The following COCH variants were observed in gnomAD, a reference collection of about 807,000 sequenced individuals.
COCH encodes the protein cochlin, also known as coagulation factor C homolog, cochlin (Limulus polyphemus).
Under a neutral mutation model 54.8 loss-of-function variants are expected in COCH, and 40 were observed. That is an observed-to-expected ratio of 0.73 (90% CI 0.57 to 0.95). The LOEUF (loss-of-function observed/expected upper bound fraction) is 0.95. COCH is among the 40% of genes least tolerant of loss of function. The pLI is 0.00. For synonymous variants in COCH, 256 were observed against 237.9 expected, an observed-to-expected ratio of 1.08 and a Z score of -0.70; for missense variants, 605 against 675.0, an observed-to-expected ratio of 0.90 and a Z score of 1.15.
intron 8 of COCH, chr14:30,884,348 C>T (rs1350407236): frequency 1.8e-6 from 1 of 557,446 alleles, no homozygotes; most frequent in Non-Finnish European, 3.2e-6. Flanking sequence ...TATAATAAAT[C>T]CTCAATATGG....
Position 30,874,916 on chromosome 14 carries a change from G to A in COCH, c.-23G>A. The A allele has an allele frequency of 6.2e-7, 1 of 1,613,478 alleles. No individual in the cohort carries two copies. The highest frequency in any genetic ancestry group is 8.5e-7 in the Non-Finnish European group (1 of 1,179,796). On this transcript the variant is annotated splice_region_variant and 5_prime_UTR_variant, in exon 2 of 12. In the 5' UTR this introduces an upstream ATG that the reference lacks. Coordinates refer to ENST00000396618, the MANE Select transcript of COCH (RefSeq NM_004086.3). Reference sequence around the variant, plus strand: ...TGCCCGCATTCTCCCTCTCTCCCAGGTGTGAGCAGCCTATCAGTCACCATG... The same window carrying A: ...TGCCCGCATTCTCCCTCTCTCCCAGATGTGAGCAGCCTATCAGTCACCATG...
rs746680829 is a variant in COCH at position 30,886,148 on chromosome 14, G to A, written c.1313G>A (p.Arg438His). The A allele has an allele frequency of 3.5e-5, 56 of 1,611,712 alleles. No individual in the cohort carries two copies. The highest frequency in any genetic ancestry group is 3.1e-4 in the East Asian group (14 of 44,848). Residue 438 changes from arginine to histidine, a missense_variant, in exon 11 of 12, where the codon CGC becomes CAC. Arg to His is a conservative substitution (Grantham distance 29, BLOSUM62 0). Coordinates refer to ENST00000396618, the MANE Select transcript of COCH (RefSeq NM_004086.3). ...ENVLAVIRNI[R>H]YMSGGTATGD... ...GTCCTAGCTGTCATCAGAAACATCC[G>A]CTATATGAGTGGTGGAACAGCTACT... is the stretch of plus-strand genomic sequence containing the variant.
At chr14:30,893,135 C>G (rs770056628), downstream of COCH, among the ~76,000 whole-genome samples, 25 of 141,698 alleles carry the variant, frequency 1.8e-4, no homozygotes, top group Admixed American at 1.7e-3. Context: ...CAATTACAAA[C>G]GGCAAAAACC....
At position 30,874,582 on chromosome 14, in the gene COCH, T is replaced by G; in HGVS notation, c.-33T>G. On this transcript the variant is annotated 5_prime_UTR_variant, in exon 1 of 12. Coordinates refer to ENST00000396618, the MANE Select transcript of COCH (RefSeq NM_004086.3). ...CCGCACTCGGGCGCAGCCGGGTGGA[T>G]CTCGAGCAGGTGCGGAGCCCCGGGC... 4.4e-6 allele frequency: 2 copies of G among 453,132 alleles called. No homozygotes were observed. The highest frequency in any genetic ancestry group is 8.1e-6 in the Non-Finnish European group (2 of 247,968). 28.1% of individuals were successfully genotyped at this position (453,132 alleles called of 1,614,324 possible).
chr14:30,884,273 A>G (rs564545638), intron 8 of COCH, among the ~76,000 whole-genome samples: 1 of 152,350 alleles, frequency 6.6e-6, no homozygotes, highest in South Asian at 2.1e-4. Flanking sequence ...GGATAATTCC[A>G]ACCTTATAGA....
chr14:30,890,026 C>G lies in COCH; in HGVS notation c.*235C>G. ...TTCATAATCATGGCTCTTAGAAACTCAGGAAAGAGGAGATAATGTGGATTA... is the reference window on the plus strand; with the variant it reads ...TTCATAATCATGGCTCTTAGAAACTGAGGAAAGAGGAGATAATGTGGATTA... On this transcript the variant is annotated 3_prime_UTR_variant, in exon 12 of 12. Coordinates refer to ENST00000396618, the MANE Select transcript of COCH (RefSeq NM_004086.3). The G allele has an allele frequency of 1.6e-6, 2 of 1,236,532 alleles. No homozygotes were observed. Among genetic ancestry groups the G allele is most frequent in the Non-Finnish European group, 2.0e-6 (2 of 984,190 alleles). The allele number at this position is 1,236,532 out of a possible 1,614,324, so 76.6% of individuals were successfully genotyped here. A position where few individuals can be genotyped will look rare whatever the true frequency, so the allele number is the denominator to read the frequency against.
At chr14:30,888,808 A>T (rs1895881899) in intron 11 of COCH, among the ~76,000 whole-genome samples, 1 of 151,698 alleles carries the variant, frequency 6.6e-6, no homozygotes, top group African/African-American at 2.4e-5. Flanking sequence ...AAAAAAAAAA[A>T]GATTAAATGA....
At position 30,890,187 on chromosome 14, in the gene COCH, GAA is replaced by G. The variant is rs546373097; in HGVS notation, c.*399_*400del. 8 of 990,362 alleles carry G rather than the reference GAA, an allele frequency of 8.1e-6. No individual in the cohort carries two copies. The highest frequency in any genetic ancestry group is 8.4e-6 in the Non-Finnish European group (7 of 832,834). The allele number at this position is 990,362 out of a possible 1,614,324, so 61.3% of individuals were successfully genotyped here. The stretch of plus-strand genomic sequence containing the variant: ...TCTGTATTGATTATATAAGCAAAAT[GAA>G]AAGAGAAACTTAAATGAACACAGCT... On this transcript the variant is annotated 3_prime_UTR_variant, in exon 12 of 12. Coordinates refer to ENST00000396618, the MANE Select transcript of COCH (RefSeq NM_004086.3).
intron 4 of COCH, among the ~76,000 whole-genome samples, chr14:30,878,140 G>A (rs755520665): frequency 2.0e-5 from 3 of 152,190 alleles, no homozygotes; most frequent in Non-Finnish European, 4.4e-5. Flanking sequence ...GTTAGCAAGT[G>A]CCATGCTATC....
intron 11 of COCH, chr14:30,889,362 T>C: frequency 2.1e-6 from 1 of 465,558 alleles, no homozygotes; most frequent in Non-Finnish European, 3.9e-6. Context: ...TATCAAATTA[T>C]TTCTTATCAG....
chr14:30,886,364 A>C (rs763427380), intron 11 of COCH, 52 bp downstream of exon 11: 10 of 1,586,088 alleles, frequency 6.3e-6, no homozygotes, highest in Non-Finnish European at 7.8e-6. Flanking sequence ...CGGTTCAGTG[A>C]ATTTAGGAGT....
At chr14:30,887,426 T>C (rs566306117) in intron 11 of COCH, among the ~76,000 whole-genome samples, 21 of 151,122 alleles carry the variant, frequency 1.4e-4, no homozygotes, top group South Asian at 4.2e-4. Flanking sequence ...AAAAACTTTT[T>C]CCCCCCCGCT....
At chr14:30,884,399 A>C (rs1281569483) in intron 8 of COCH, 154 bp from the exon 9 acceptor site, 2 of 624,720 alleles carry the variant, frequency 3.2e-6, no homozygotes, top group African/African-American at 3.7e-5. Context: ...CAATAATTCA[A>C]GTAAGGATGC....
chr14:30,887,889 T>C (rs1194987544), intron 11 of COCH, among the ~76,000 whole-genome samples: 1 of 152,230 alleles, frequency 6.6e-6, no homozygotes, highest in Non-Finnish European at 1.5e-5. Flanking sequence ...TCATATTCCT[T>C]AATACTTAGC....
In COCH at chr14:30,890,428, CTCCT is replaced by C. The variant is rs1895943409; in HGVS notation, c.*639_*642del. On this transcript the variant is annotated 3_prime_UTR_variant, in exon 12 of 12. Transcript: ENST00000396618. ...GATTGCCAGGTATTTTTCTATTTCT[CTCCT>C]TAATTTTATATGTATATAGATATAT... The C allele has an allele frequency of 2.1e-6, 2 of 971,998 alleles. No homozygotes were observed. The highest frequency in any genetic ancestry group is 1.2e-6 in the Non-Finnish European group (1 of 817,804). The allele number at this position is 971,998 out of a possible 1,614,324, so 60.2% of individuals were successfully genotyped here.
intron 11 of COCH, among the ~76,000 whole-genome samples, chr14:30,888,160 G>A (rs777762595): frequency 1.3e-5 from 2 of 151,824 alleles, no homozygotes; most frequent in Non-Finnish European, 2.9e-5. Context: ...ATTATATGCT[G>A]GGCTTGAGCT....
chr14:30,877,691 G>GC lies in COCH; in HGVS notation c.203dup (p.Ser69PhefsTer26). 6.2e-7 allele frequency: 1 copy of GC among 1,614,226 alleles called. No individual in the cohort carries two copies. The highest frequency in any genetic ancestry group is 8.5e-7 in the Non-Finnish European group (1 of 1,180,040). On this transcript the variant is annotated frameshift_variant, in exon 4 of 12. Transcript: ENST00000396618. LOFTEE classifies it high-confidence loss of function. This position sits in a 1 kb window ranked among gnomAD's most constrained non-coding sequence, Gnocchi z 8.6. The stretch of plus-strand genomic sequence containing the variant: ...CTCTGTGTATGGGAACATAGTATAT[G>GC]CTTCTGTATCGAGCATATGTGGGGC...
chr14:30,889,408 A>C, intron 11 of COCH: 1 of 564,568 alleles, frequency 1.8e-6, no homozygotes, highest in South Asian at 2.0e-5. Context: ...AATTACAGAT[A>C]TAGCAGAGTT....
At chr14:30,883,422 A>G (rs991679900) in intron 8 of COCH, among the ~76,000 whole-genome samples, 3 of 152,230 alleles carry the variant, frequency 2.0e-5, no homozygotes, top group Non-Finnish European at 4.4e-5. Flanking sequence ...GAATAGGTAA[A>G]CCATGTCAAG....
Sources: allele counts gnomAD v4.1 joint callset (sites outside exome capture counted in the v4.1 genomes callset), GRCh38; gene constraint gnomAD v4.1.1; non-coding constraint Gnocchi (gnomAD v3.1); transcripts MANE v1.5; gene names NCBI Gene and HGNC (gene_info 2026-07-23, HGNC 2026-07-21).